The following AKAP6 variants were observed in gnomAD, a reference collection of about 807,000 sequenced individuals.
AKAP6 encodes the protein A-kinase anchor protein 6.
Under a neutral mutation model 188.5 loss-of-function variants are expected in AKAP6, and 58 were observed. That is an observed-to-expected ratio of 0.31 (90% CI 0.25 to 0.38). AKAP6 has a LOEUF of 0.38. Ranked by LOEUF, AKAP6 falls within the 10% of genes least tolerant of loss-of-function variation. The pLI is 1.00. For synonymous variants in AKAP6, 989 were observed against 998.6 expected, an observed-to-expected ratio of 0.99 and a Z score of 0.18; for missense variants, 2,710 against 2,740.0, an observed-to-expected ratio of 0.99 and a Z score of 0.24.
intron 12 of AKAP6, among the ~76,000 whole-genome samples, chr14:32,788,912 A>G (rs2033519011): frequency 3.3e-5 from 5 of 152,140 alleles, no homozygotes; most frequent in South Asian, 4.1e-4. Flanking sequence ...GTTAAGACCT[A>G]CTGGCTTGGA....
intron 2 of AKAP6, among the ~76,000 whole-genome samples, chr14:32,508,179 CT>C (rs1431884697): frequency 6.6e-6 from 1 of 152,096 alleles, no homozygotes; most frequent in Non-Finnish European, 1.5e-5. Flanking sequence ...CCTAACAGTC[CT>C]TAAGGTTGTT....
At chr14:32,462,324 C>G (rs1309532957) in intron 2 of AKAP6, among the ~76,000 whole-genome samples, 1 of 152,048 alleles carries the variant, frequency 6.6e-6, no homozygotes, top group East Asian at 1.9e-4. Flanking sequence ...TAAGGGTAGC[C>G]AGAGAGAAAG....
intron 11 of AKAP6, among the ~76,000 whole-genome samples, chr14:32,745,742 G>GCTTC (rs2031880530): frequency 6.6e-6 from 1 of 152,182 alleles, no homozygotes; most frequent in Non-Finnish European, 1.5e-5. Flanking sequence ...CTACCTGTGT[G>GCTTC]CTTCCCTTCA....
At chr14:32,566,304 T>C (rs1425269017) in intron 4 of AKAP6, among the ~76,000 whole-genome samples, 1 of 152,032 alleles carries the variant, frequency 6.6e-6, no homozygotes, top group East Asian at 1.9e-4. Flanking sequence ...TCACTGTTTT[T>C]GAAAATGTTC....
Position 32,824,123 on chromosome 14 carries a change from C to G in AKAP6, c.6310C>G (p.Leu2104Val). 1 of 1,613,970 alleles carries G rather than the reference C, an allele frequency of 6.2e-7. No homozygotes were observed. The stretch of plus-strand genomic sequence containing the variant: ...GGAGCATTCTCACCGGCCCATCCAG[C>G]TGAGAAAAGGGGACTTTTATTCGTA... Reference protein sequence around the residue: ...VLEHSHRPIQLRKGDFYSYLS... With the variant: ...VLEHSHRPIQVRKGDFYSYLS... Residue 2104 changes from leucine (L) to valine (V), a missense_variant, in exon 13 of 14, where the codon CTG becomes GTG. By Grantham distance (32) the Leu-to-Val change is conservative (BLOSUM62 1). Transcript: ENST00000280979.
rs539098746 is a variant in AKAP6 at position 32,739,476 on chromosome 14, T to C, written c.3372+3594T>C. ...TCAAATACTGGGTCTTATTCATTCA[T>C]TCTATTTTTTTCTTTGTACCCATTA... On this transcript the variant is annotated intron_variant, in intron 11 of 13. Transcript: ENST00000280979. Among the ~76,000 whole-genome samples, 507 of 152,186 alleles carry C rather than the reference T, an allele frequency of 3.3e-3. 5 individuals are homozygous for C. The highest frequency in any genetic ancestry group is 0.011 in the Admixed American group (174 of 15,274).
At chr14:32,624,843 G>T (rs1886951934) in intron 7 of AKAP6, among the ~76,000 whole-genome samples, 1 of 151,980 alleles carries the variant, frequency 6.6e-6, no homozygotes, top group South Asian at 2.1e-4. Flanking sequence ...TTTATATTCT[G>T]TAGTCCTAAT....
chr14:32,620,553 G>T (rs1471462831), intron 7 of AKAP6, among the ~76,000 whole-genome samples: 1 of 151,992 alleles, frequency 6.6e-6, no homozygotes, highest in Non-Finnish European at 1.5e-5. Context: ...ATGTGCTGTT[G>T]GGTTCAGTTT....
chr14:32,433,188 G>C (rs1890274660), intron 1 of AKAP6: 1 of 299,390 alleles, frequency 3.3e-6, no homozygotes, highest in Admixed American at 4.6e-5. Context: ...TAAAAACCAG[G>C]ATTTTGTTAC....
chr14:32,617,195 T>C (rs1886616320), intron 7 of AKAP6, among the ~76,000 whole-genome samples: 1 of 152,206 alleles, frequency 6.6e-6, no homozygotes, highest in East Asian at 1.9e-4. Context: ...TCCTTTGCCA[T>C]AGCCACATGA....
intron 4 of AKAP6, among the ~76,000 whole-genome samples, chr14:32,574,156 A>G (rs916712911): frequency 1.3e-5 from 2 of 152,194 alleles, no homozygotes; most frequent in African/African-American, 4.8e-5. Flanking sequence ...CTTTTATTAT[A>G]AGTTCGGAAC....
intron 12 of AKAP6, among the ~76,000 whole-genome samples, chr14:32,776,205 C>T (rs1274038386): frequency 1.3e-5 from 2 of 152,152 alleles, no homozygotes; most frequent in African/African-American, 2.4e-5. Context: ...GTCTGTGTCC[C>T]CAACCAAATC....
intron 2 of AKAP6, among the ~76,000 whole-genome samples, chr14:32,459,515 A>G (rs1446925084): frequency 2.0e-5 from 3 of 152,208 alleles, no homozygotes; most frequent in Middle Eastern, 3.4e-3. Context: ...GAATAGAACC[A>G]ATATTAACAT....
chr14:32,409,498 C>T (rs1256046774), intron 1 of AKAP6, among the ~76,000 whole-genome samples: 2 of 152,148 alleles, frequency 1.3e-5, no homozygotes, highest in African/African-American at 4.8e-5. Flanking sequence ...ACTGAACCAT[C>T]TTCTTCAAAA....
chr14:32,546,052 C>G lies in AKAP6; in HGVS notation c.1399C>G (p.Leu467Val). The G allele has an allele frequency of 6.2e-7, 1 of 1,614,116 alleles. No homozygotes were observed. The change falls in exon 4 of 14, where the codon CTT becomes GTT. Residue 467 changes from leucine to valine, a missense_variant. Around this residue, in one of 2 missense-constraint regions of AKAP6, gnomAD observed 2,473 missense variants for 2,426.1 expected, o/e 1.02. Transcript: ENST00000280979. ...TTTACACAAGGTGGGGAATGGGAAC[C>G]TTGAAAACACAGTCAAATTTCACAT... is the stretch of plus-strand genomic sequence containing the variant. ...ECLHKVGNGN[L>V]ENTVKFHIKE... is the part of the protein sequence containing the mutation.
At chr14:32,368,486 T>C (rs767542542) in intron 1 of AKAP6, among the ~76,000 whole-genome samples, 9 of 151,900 alleles carry the variant, frequency 5.9e-5, no homozygotes, top group Non-Finnish European at 1.3e-4. Context: ...TGCGAGGACA[T>C]TTCCTAACTA....
chr14:32,570,208 G>T (rs1400280638), intron 4 of AKAP6, among the ~76,000 whole-genome samples: 2 of 136,280 alleles, frequency 1.5e-5, no homozygotes, highest in Non-Finnish European at 3.0e-5. Flanking sequence ...TCGGCTCACT[G>T]CAACCTCTGC....
intron 2 of AKAP6, among the ~76,000 whole-genome samples, chr14:32,457,966 TG>T (rs1450574005): frequency 2.0e-5 from 3 of 152,224 alleles, no homozygotes; most frequent in African/African-American, 7.2e-5. Flanking sequence ...AGACATTCTA[TG>T]GTACAGTTAT....
At chr14:32,388,590 G>T (rs990645129) in intron 1 of AKAP6, among the ~76,000 whole-genome samples, 1 of 151,986 alleles carries the variant, frequency 6.6e-6, no homozygotes, top group Non-Finnish European at 1.5e-5. Context: ...AAATTTTCAT[G>T]TTGATTTCAT....
Sources: gnomAD v4.1 joint callset for allele counts (sites outside exome capture counted in the v4.1 genomes callset) on GRCh38, gnomAD v4.1.1 for gene constraint, gnomAD v4.1.1 regional missense constraint, MANE v1.5 for transcripts, NCBI Gene and HGNC (gene_info 2026-07-23, HGNC 2026-07-21) for gene names.